The following SNHG17 variants were observed in gnomAD, a reference collection of about 807,000 sequenced individuals.
The protein encoded by SNHG17 is small nucleolar RNA host gene 17 (non-protein coding).
chr20:38,427,507 A>G, intron 3 of SNHG17: 1 of 464,300 alleles, frequency 2.2e-6, no homozygotes, highest in South Asian at 1.6e-5. Flanking sequence ...GGATGACCCA[A>G]GTCAGGGACA....
At chr20:38,427,173 G>A (rs1047681306) in intron 3 of SNHG17, 1 of 347,300 alleles carries the variant, frequency 2.9e-6, no homozygotes, top group Non-Finnish European at 5.8e-6. Flanking sequence ...CTACCCCTCA[G>A]AACACAGAGC....
At chr20:38,422,763 A>G (rs2084179076) in intron 5 of SNHG17, among the ~76,000 whole-genome samples, 1 of 152,120 alleles carries the variant, frequency 6.6e-6, no homozygotes, top group African/African-American at 2.4e-5. Flanking sequence ...ACACACACAC[A>G]CGCACACACA....
intron 3 of SNHG17, chr20:38,428,364 C>T (rs1428554518): frequency 6.6e-6 from 1 of 152,204 alleles, no homozygotes; most frequent in Non-Finnish European, 1.5e-5. Flanking sequence ...ATCCTCACCT[C>T]TCCCTACGTC....
rs73621951 is a variant in SNHG17, at chr20:38,424,099, G to A, written n.579+1836C>T. 3.6e-4 allele frequency among the ~76,000 whole-genome samples: 55 copies of A among 152,012 alleles called. 1 individual carries two copies. The East Asian group carries it at 9.9e-3, about 27-fold the overall frequency. On this transcript the variant is annotated intron_variant and non_coding_transcript_variant, in intron 5 of 8. Transcript: ENST00000654008. ...GGCATGAGAATCACTGAACCCAGGA[G>A]GCAGAGGCTGCAGTGAGCCGTGTTT... is the stretch of plus-strand genomic sequence containing the variant.
At chr20:38,427,796 T>C (rs146868950) in intron 3 of SNHG17, 240 of 155,616 alleles carry the variant, frequency 1.5e-3, no homozygotes, top group Middle Eastern at 3.3e-3. Flanking sequence ...TCAGAACCGT[T>C]CACTGGACAC....
exon 1 of SNHG17, chr20:38,435,228 C>T (rs2084411996): frequency 1.6e-6 from 2 of 1,231,878 alleles, no homozygotes; most frequent in Non-Finnish European, 2.0e-6. Context: ...GCGGCGGAGA[C>T]CTGACAGACA....
chr20:38,434,932 G>T, intron 1 of SNHG17: 4 of 1,225,916 alleles, frequency 3.3e-6, no homozygotes, highest in Non-Finnish European at 4.1e-6. Context: ...CCATCCAGGG[G>T]CACTAAGCCT....
chr20:38,431,874 T>C, intron 2 of SNHG17: 1 of 353,590 alleles, frequency 2.8e-6, no homozygotes, highest in Non-Finnish European at 4.0e-6. Context: ...AGGGTAAAAC[T>C]GGGGCCAGCA....
chr20:38,425,581 G>T (rs910167885), intron 5 of SNHG17, among the ~76,000 whole-genome samples: 2 of 152,166 alleles, frequency 1.3e-5, no homozygotes, highest in Non-Finnish European at 2.9e-5. Context: ...TAGTAGGTTG[G>T]GACAGGGCTA....
chr20:38,421,727 G>A (rs550863089), intron 6 of SNHG17: 5 of 152,266 alleles, frequency 3.3e-5, no homozygotes, highest in African/African-American at 4.8e-5. Flanking sequence ...CCCCTGCACT[G>A]TTAATGATCG....
intron 3 of SNHG17, chr20:38,427,362 G>T: frequency 1.9e-6 from 1 of 518,620 alleles, no homozygotes; most frequent in South Asian, 1.4e-5. Context: ...CAAACACGGG[G>T]ACAACCTCTT....
intron 1 of SNHG17, chr20:38,434,743 T>C: frequency 1.6e-6 from 1 of 631,962 alleles, no homozygotes; most frequent in South Asian, 7.0e-5. Context: ...AGCTAACTGG[T>C]CTGTAAAATG....
At chr20:38,423,254 AG>A (rs1311976084) in intron 5 of SNHG17, among the ~76,000 whole-genome samples, 1 of 151,098 alleles carries the variant, frequency 6.6e-6, no homozygotes, top group Non-Finnish European at 1.5e-5. Context: ...AAAATTAACC[AG>A]GCATAGTGGC....
At chr20:38,435,308 G>A in exon 1 of SNHG17, 1 of 1,231,422 alleles carries the variant, frequency 8.1e-7, no homozygotes, top group East Asian at 3.2e-5. Context: ...GGCGAAGGAC[G>A]GCGAGGGACG....
At chr20:38,425,792 T>C (rs2084236553) in intron 5 of SNHG17, 1 of 155,870 alleles carries the variant, frequency 6.4e-6, no homozygotes, top group Non-Finnish European at 1.4e-5. Flanking sequence ...GGCCTGGACT[T>C]ACTATCCATA....
At chr20:38,426,723 C>T (rs1174086982) in intron 3 of SNHG17, among the ~76,000 whole-genome samples, 1 of 150,698 alleles carries the variant, frequency 6.6e-6, no homozygotes, top group Non-Finnish European at 1.5e-5. Context: ...CTCAGGGGAG[C>T]CCCAAAGGCC....
Position 38,426,995 on chromosome 20 carries a change from TACACACACACACACACAC to T in SNHG17, n.381-510_381-493del, listed in dbSNP as rs765781057. ...CCCTATCCTGTCCCCAAGTTACACA[TACACACACACACACACAC>T]ACACACACACACACACACACGGGGT... On this transcript the variant is annotated intron_variant and non_coding_transcript_variant, in intron 3 of 8. Transcript: ENST00000654008. Among the ~76,000 whole-genome samples the T allele has an allele frequency of 2.6e-4, 33 of 125,646 alleles. No homozygotes were observed. The South Asian group carries it at 8.4e-3, about 32-fold the overall frequency. 82.4% of individuals were successfully genotyped at this position (125,646 alleles called of 152,430 possible).
chr20:38,421,792 G>A (rs577534454), intron 6 of SNHG17: 7 of 152,784 alleles, frequency 4.6e-5, no homozygotes, highest in African/African-American at 1.7e-4. Context: ...AGGACAGAAA[G>A]AGAGCCAGCA....
intron 2 of SNHG17, among the ~76,000 whole-genome samples, chr20:38,433,353 A>G (rs2084369337): frequency 6.6e-6 from 1 of 152,138 alleles, no homozygotes; most frequent in Admixed American, 6.6e-5. Flanking sequence ...AAGAGACAGG[A>G]CTCAGATACT....
Sources: gnomAD v4.1 joint callset for allele counts (sites outside exome capture counted in the v4.1 genomes callset) on GRCh38, gnomAD v4.1.1 for gene constraint, MANE v1.5 for transcripts, NCBI Gene and HGNC (gene_info 2026-07-23, HGNC 2026-07-21) for gene names.